Variants in KIF15 observed in about 807,000 individuals in gnomAD.
KIF15 encodes kinesin family member 15.
Under a neutral mutation model 190.6 loss-of-function variants are expected in KIF15, and 140 were observed. That is an observed-to-expected ratio of 0.73 (90% CI 0.64 to 0.84). KIF15 has a LOEUF of 0.84. KIF15 is among the 40% of genes least tolerant of loss of function. The pLI is 0.00. For missense variants in KIF15, 1,372 were observed against 1,584.4 expected (o/e 0.87, Z 2.28); for synonymous variants, 528 against 551.3 (o/e 0.96, Z 0.59).
intron 5 of KIF15, among the ~76,000 whole-genome samples, chr3:44,781,579 T>C (rs1706164758): frequency 6.6e-6 from 1 of 152,206 alleles, no homozygotes; most frequent in Admixed American, 6.5e-5. Flanking sequence ...TCCAGGAGAA[T>C]TGCTGGATCA....
chr3:44,805,804 T>G (rs756298170), intron 15 of KIF15, 41 bp from the exon 16 acceptor site: 12 of 1,564,642 alleles, frequency 7.7e-6, no homozygotes, highest in Non-Finnish European at 1.0e-5. Flanking sequence ...TGTTTGACAT[T>G]ACTTATTACC....
chr3:44,857,983 G>C (rs1414498529), downstream of KIF15, among the ~76,000 whole-genome samples: 1 of 152,194 alleles, frequency 6.6e-6, no homozygotes, highest in Non-Finnish European at 1.5e-5. Context: ...AGAAGCAGAA[G>C]GGTGGAAAGA....
chr3:44,787,496 A>G (rs1275929858), intron 7 of KIF15, among the ~76,000 whole-genome samples: 1 of 152,168 alleles, frequency 6.6e-6, no homozygotes, highest in Non-Finnish European at 1.5e-5. Context: ...GATGGAATCA[A>G]GTCTCTTGAT....
chr3:44,828,846 T>A (rs962893409), intron 24 of KIF15, among the ~76,000 whole-genome samples: 1 of 152,084 alleles, frequency 6.6e-6, no homozygotes, highest in African/African-American at 2.4e-5. Flanking sequence ...GAGACCAGCC[T>A]GACCAACATG....
intron 3 of KIF15, among the ~76,000 whole-genome samples, chr3:44,776,990 A>ATTTTTTTT (rs371067828): frequency 8.6e-6 from 1 of 116,856 alleles, no homozygotes; most frequent in African/African-American, 3.4e-5. Context: ...AACATCACAG[A>ATTTTTTTT]TTTTTTTTTT....
At chr3:44,777,521 G>A (rs1028516841) in intron 3 of KIF15, among the ~76,000 whole-genome samples, 1 of 151,950 alleles carries the variant, frequency 6.6e-6, no homozygotes, top group Non-Finnish European at 1.5e-5. Flanking sequence ...GTGAAACCCC[G>A]TTTCTACTAA....
chr3:44,850,946 A>G (rs144976179), intron 32 of KIF15, among the ~76,000 whole-genome samples: 1,603 of 152,320 alleles, frequency 0.011, 19 homozygotes, highest in Middle Eastern at 0.027. Flanking sequence ...AACAGTCAAC[A>G]TTACATTTCA....
rs199982613 is a variant in KIF15, at chr3:44,800,332, A to T, written c.1117A>T (p.Thr373Ser). The T allele has an allele frequency of 8.9e-5, 144 of 1,614,052 alleles. No individual in the cohort carries two copies. The highest frequency in any genetic ancestry group is 1.2e-4 in the Non-Finnish European group (142 of 1,180,034). The stretch of plus-strand genomic sequence containing the variant: ...TGAACAGGCAGTAGTAAATGAAGAC[A>T]CCCAAGGAAATGTGAGCCAGCTCCA... ...IKNKAVVNED[T>S]QGNVSQLQAE... Residue 373 changes from threonine to serine, a missense_variant, in exon 11 of 35, where the codon ACC (threonine) becomes TCC (serine). By Grantham distance (58) the Thr-to-Ser change is moderately conservative. Transcript: ENST00000326047.
chr3:44,853,655 T>C (rs944401032), downstream of KIF15, among the ~76,000 whole-genome samples: 10 of 152,236 alleles, frequency 6.6e-5, no homozygotes, highest in African/African-American at 2.4e-4. Flanking sequence ...AGGTATACCA[T>C]TTTACATTCC....
chr3:44,838,524 CT>C (rs1698436112), intron 27 of KIF15, 103 bp downstream of exon 27: 17 of 1,178,188 alleles, frequency 1.4e-5, no homozygotes, highest in Non-Finnish European at 2.0e-5. Flanking sequence ...GGGTGGACCA[CT>C]TGAAGTCAGG....
At chr3:44,867,013 T>G (rs1015617077) in intron 6 of KIF15, among the ~76,000 whole-genome samples, 1 of 152,224 alleles carries the variant, frequency 6.6e-6, no homozygotes. Context: ...TCACAGAATG[T>G]TAATCATTTA....
At chr3:44,864,182 C>G in intron 6 of KIF15, 1 of 1,613,346 alleles carries the variant, frequency 6.2e-7, no homozygotes, top group African/African-American at 1.3e-5. Context: ...GCTGCAGTGA[C>G]ACTTTCTCCT....
chr3:44,865,382 C>A, intron 6 of KIF15: 1 of 676,468 alleles, frequency 1.5e-6, no homozygotes, highest in Non-Finnish European at 2.5e-6. Context: ...GTGTTTTGAT[C>A]ATCTGTACAG....
At chr3:44,806,107 C>T (rs996801858) in intron 16 of KIF15, 121 bp downstream of exon 16, 9 of 1,065,792 alleles carry the variant, frequency 8.4e-6, no homozygotes, top group South Asian at 5.1e-5. Context: ...TAATTAACAC[C>T]GGTGTCACAC....
intron 1 of KIF15, among the ~76,000 whole-genome samples, chr3:44,769,648 G>A (rs190709604): frequency 6.2e-4 from 95 of 152,206 alleles, no homozygotes; most frequent in African/African-American, 2.1e-3. Context: ...TTCTGTTACC[G>A]TCTGCTTCTG....
chr3:44,809,298 C>T (rs1423396882), intron 16 of KIF15, among the ~76,000 whole-genome samples: 1 of 151,954 alleles, frequency 6.6e-6, no homozygotes, highest in East Asian at 1.9e-4. Context: ...TTATATTTTT[C>T]TTCAGATTTT....
downstream of KIF15, among the ~76,000 whole-genome samples, chr3:44,856,841 T>C (rs1350267879): frequency 1.3e-5 from 2 of 152,072 alleles, no homozygotes; most frequent in Non-Finnish European, 2.9e-5. Context: ...TATAACAGCA[T>C]GGTGGTGCAG....
chr3:44,778,225 A>G (rs1429566824), intron 4 of KIF15, 34 bp downstream of exon 4: 2 of 1,476,570 alleles, frequency 1.4e-6, no homozygotes, highest in East Asian at 2.3e-5. Context: ...TACATAGTAC[A>G]TGCTTGAATT....
Position 44,784,857 on chromosome 3 carries a change from C to A in KIF15, c.374C>A (p.Ser125Tyr). The change falls in exon 6 of 35, where the codon TCT (serine) becomes TAT (tyrosine). Residue 125 changes from serine to tyrosine, a missense_variant. Physicochemically the swap from Ser to Tyr is moderately radical, Grantham distance 144. Transcript: ENST00000326047. ...KTFTMMGPSE[S>Y]DNFSHNLRGV... ...TTCATTTTTTTAGGACCATCTGAAT[C>A]TGATAATTTTTCTCATAACCTGAGA... is the stretch of plus-strand genomic sequence containing the variant. 2.6e-6 allele frequency: 4 copies of A among 1,518,510 alleles called. No homozygotes were observed. The highest frequency in any genetic ancestry group is 2.7e-6 in the Non-Finnish European group (3 of 1,112,872). 94.1% of individuals were successfully genotyped at this position (1,518,510 alleles called of 1,614,324 possible). A position where few individuals can be genotyped will look rare whatever the true frequency, so the allele number is the denominator to read the frequency against.
Sources: gnomAD v4.1 joint callset for allele counts (sites outside exome capture counted in the v4.1 genomes callset) on GRCh38, gnomAD v4.1.1 for gene constraint, MANE v1.5 for transcripts, NCBI Gene and HGNC (gene_info 2026-07-23, HGNC 2026-07-21) for gene names.